ITGA8: variants seen among roughly 807,000 people sequenced by gnomAD.
The protein encoded by ITGA8 is integrin subunit alpha 8, also known as integrin alpha-8.
ITGA8 carries 91 observed loss-of-function variants against 142.3 expected under a neutral mutation model. The ratio of observed to expected loss-of-function variants is 0.64; its 90% CI spans 0.54 to 0.76. The LOEUF is 0.76. Ranked by LOEUF, ITGA8 falls within the 30% of genes least tolerant of loss-of-function variation. The pLI is 0.00. For missense variants in ITGA8, 1,406 were observed against 1,327.7 expected (o/e 1.06, Z -0.92); for synonymous variants, 505 against 485.2 (o/e 1.04, Z -0.54).
chr10:15,538,759 T>A (rs1019784832), intron 27 of ITGA8, among the ~76,000 whole-genome samples: 1 of 152,060 alleles, frequency 6.6e-6, no homozygotes, highest in Non-Finnish European at 1.5e-5. Context: ...TTAGTGCTAA[T>A]AAATGCATGC....
intron 2 of ITGA8, among the ~76,000 whole-genome samples, chr10:15,711,504 A>T (rs1009173441): frequency 1.3e-5 from 2 of 151,992 alleles, no homozygotes; most frequent in African/African-American, 4.8e-5. Context: ...TTATTTATAC[A>T]TTTATTTTAT....
chr10:15,518,031 T>C (rs1832995413), intron 29 of ITGA8, among the ~76,000 whole-genome samples: 1 of 152,180 alleles, frequency 6.6e-6, no homozygotes, highest in Non-Finnish European at 1.5e-5. Context: ...AGAGCATATA[T>C]AGAGGGAGAA....
At chr10:15,609,682 CAAAAT>C (rs1417300286) in intron 15 of ITGA8, among the ~76,000 whole-genome samples, 1 of 152,176 alleles carries the variant, frequency 6.6e-6, no homozygotes, top group East Asian at 1.9e-4. Context: ...GCCTGGCTTT[CAAAAT>C]TAGAATTTTT....
intron 8 of ITGA8, among the ~76,000 whole-genome samples, chr10:15,668,261 T>C (rs1480931532): frequency 6.6e-6 from 1 of 152,212 alleles, no homozygotes; most frequent in East Asian, 1.9e-4. Context: ...TTGATCCTTT[T>C]ATCATTATGT....
intron 6 of ITGA8, among the ~76,000 whole-genome samples, chr10:15,673,230 C>A (rs988353275): frequency 1.3e-5 from 2 of 152,116 alleles, no homozygotes; most frequent in Admixed American, 6.5e-5. Flanking sequence ...TCTGCAGGCA[C>A]CTACCACCAC....
At chr10:15,632,228 C>T (rs573263053) in intron 13 of ITGA8, among the ~76,000 whole-genome samples, 11 of 150,472 alleles carry the variant, frequency 7.3e-5, no homozygotes, top group African/African-American at 2.5e-4. Context: ...ATAGCTGTGT[C>T]GATAAGGTCC....
At chr10:15,541,754 A>T (rs1335449669) in intron 27 of ITGA8, among the ~76,000 whole-genome samples, 1 of 151,992 alleles carries the variant, frequency 6.6e-6, no homozygotes, top group Non-Finnish European at 1.5e-5. Context: ...TTTTGGGAAG[A>T]TTCCTCCACT....
At position 15,694,254 on chromosome 10, in the gene ITGA8, A is replaced by ATATAT. The variant is rs1491560591; in HGVS notation, c.344-6217_344-6216insATATA. On this transcript the variant is annotated intron_variant, in intron 2 of 29. Coordinates refer to ENST00000378076, the MANE Select transcript of ITGA8 (RefSeq NM_003638.3). ...ATGATAATATATCATATATATGATAACATATACATCAGATAATATATCATA... is the reference window on the plus strand; with the variant it reads ...ATGATAATATATCATATATATGATAATATATCATATACATCAGATAATATATCATA... Among the ~76,000 whole-genome samples, 201 of 127,210 alleles carry ATATAT rather than the reference A, an allele frequency of 1.6e-3. 4 individuals carry two copies. Among genetic ancestry groups the ATATAT allele is most frequent in the African/African-American group, 5.8e-3 (194 of 33,668 alleles). The allele number at this position is 127,210 out of a possible 152,430, so 83.5% of individuals were successfully genotyped here.
intron 6 of ITGA8, among the ~76,000 whole-genome samples, chr10:15,676,680 T>A (rs1834637117): frequency 6.6e-6 from 1 of 152,174 alleles, no homozygotes; most frequent in Admixed American, 6.5e-5. Context: ...AGAAATGAAT[T>A]GTTAAGTTGC....
chr10:15,682,691 C>T (rs934854376), intron 4 of ITGA8, among the ~76,000 whole-genome samples: 3 of 151,876 alleles, frequency 2.0e-5, no homozygotes, highest in Non-Finnish European at 2.9e-5. Context: ...CCCCTCTCTA[C>T]AAAAAATACA....
At chr10:15,694,295 C>G (rs1373830614) in intron 2 of ITGA8, among the ~76,000 whole-genome samples, 2 of 124,014 alleles carry the variant, frequency 1.6e-5, no homozygotes, top group Admixed American at 1.7e-4. Flanking sequence ...GATAATATAT[C>G]ATATATATGA....
chr10:15,708,690 TAAGTA>T (rs1242387639), intron 2 of ITGA8, among the ~76,000 whole-genome samples: 3 of 152,242 alleles, frequency 2.0e-5, no homozygotes, highest in African/African-American at 7.2e-5. Flanking sequence ...TAGGTGCAGT[TAAGTA>T]AAGTTTTCCA....
At chr10:15,541,260 G>A (rs1002845175) in intron 27 of ITGA8, among the ~76,000 whole-genome samples, 1 of 152,140 alleles carries the variant, frequency 6.6e-6, no homozygotes, top group African/African-American at 2.4e-5. Flanking sequence ...ACCTGAAAAG[G>A]CAACATAGGG....
intron 8 of ITGA8, among the ~76,000 whole-genome samples, chr10:15,665,787 T>G (rs1384580974): frequency 6.6e-6 from 1 of 152,200 alleles, no homozygotes; most frequent in African/African-American, 2.4e-5. Context: ...CTTTCCCCAT[T>G]GCTTGTTTTT....
intron 14 of ITGA8, among the ~76,000 whole-genome samples, chr10:15,615,714 A>G (rs543621791): frequency 1.7e-4 from 26 of 152,204 alleles, no homozygotes; most frequent in Admixed American, 1.6e-3. Context: ...GGGTTTTGCT[A>G]TGTTGACTAG....
intron 11 of ITGA8, among the ~76,000 whole-genome samples, chr10:15,654,612 C>T (rs988160638): frequency 1.3e-5 from 2 of 152,160 alleles, no homozygotes; most frequent in Non-Finnish European, 2.9e-5. Context: ...AGTAAGTATT[C>T]TTCAGATATT....
At chr10:15,648,487 G>A (rs1304229415) in intron 11 of ITGA8, among the ~76,000 whole-genome samples, 1 of 149,160 alleles carries the variant, frequency 6.7e-6, no homozygotes, top group African/African-American at 2.5e-5. Context: ...TAAAGGTCAA[G>A]AAACAATACT....
chr10:15,670,239 T>G (rs1834486062), intron 8 of ITGA8, among the ~76,000 whole-genome samples: 2 of 152,248 alleles, frequency 1.3e-5, no homozygotes, highest in South Asian at 4.1e-4. Flanking sequence ...GATTGATGAT[T>G]GACTCATTCA....
chr10:15,662,045 T>C (rs10795316), intron 8 of ITGA8, among the ~76,000 whole-genome samples: 140,871 of 152,176 alleles, frequency 0.93, 66,030 homozygotes, highest in Non-Finnish European at 1. Context: ...ACCACAACTT[T>C]TCCCATCCCA....
Sources: allele counts gnomAD v4.1 joint callset (sites outside exome capture counted in the v4.1 genomes callset), GRCh38; gene constraint gnomAD v4.1.1; transcripts MANE v1.5; gene names NCBI Gene and HGNC (gene_info 2026-07-23, HGNC 2026-07-21).